SNRNP40: variants seen among roughly 807,000 people sequenced by gnomAD.
SNRNP40 encodes the protein U5 small nuclear ribonucleoprotein 40 kDa protein.
SNRNP40 carries 21 observed loss-of-function variants against 45.8 expected under a neutral mutation model. That is an observed-to-expected ratio of 0.46 (90% CI 0.32 to 0.66). The LOEUF is 0.66. SNRNP40 is among the 30% of genes least tolerant of loss of function. SNRNP40 has a pLI of 0.03. For synonymous variants in SNRNP40, 142 were observed against 163.8 expected (o/e 0.87, Z 1.01); for missense variants, 344 against 439.1 (o/e 0.78, Z 1.94).
intron 5 of SNRNP40, among the ~76,000 whole-genome samples, chr1:31,280,274 T>C (rs977669516): frequency 6.0e-5 from 9 of 151,120 alleles, no homozygotes; most frequent in African/African-American, 2.2e-4. Flanking sequence ...AGTAATCTCC[T>C]GCCTTAGCCT....
chr1:31,267,116 T>A (rs1645902297), intron 8 of SNRNP40, among the ~76,000 whole-genome samples: 1 of 152,088 alleles, frequency 6.6e-6, no homozygotes, highest in Admixed American at 6.6e-5. Flanking sequence ...GGAGTTTAGA[T>A]AATGAAGAGG....
chr1:31,289,679 T>C (rs1229035306), intron 3 of SNRNP40, among the ~76,000 whole-genome samples: 1 of 152,196 alleles, frequency 6.6e-6, no homozygotes, highest in Non-Finnish European at 1.5e-5. Context: ...ACATCTAATG[T>C]AGCAGTTTGC....
At chr1:31,282,616 T>TA (rs201672890) in intron 4 of SNRNP40, 32 of 147,386 alleles carry the variant, frequency 2.2e-4, no homozygotes, top group African/African-American at 6.4e-4. Flanking sequence ...TCTATCTATC[T>TA]TTCTATCATC....
At chr1:31,264,446 T>A (rs1645882469) in intron 8 of SNRNP40, among the ~76,000 whole-genome samples, 1 of 152,306 alleles carries the variant, frequency 6.6e-6, no homozygotes, top group African/African-American at 2.4e-5. Flanking sequence ...GGGGTTCAAG[T>A]CTCAGTGCAG....
intron 6 of SNRNP40, among the ~76,000 whole-genome samples, chr1:31,270,054 C>A (rs899822443): frequency 1.3e-5 from 2 of 152,124 alleles, no homozygotes; most frequent in Non-Finnish European, 2.9e-5. Context: ...AGGTGCCCAC[C>A]ACCACACCTG....
intron 3 of SNRNP40, among the ~76,000 whole-genome samples, chr1:31,290,231 C>T (rs1184249153): frequency 6.6e-6 from 1 of 152,082 alleles, no homozygotes; most frequent in East Asian, 1.9e-4. Context: ...GATGGAGTCT[C>T]ACTGTGTTGC....
At position 31,261,482 on chromosome 1, in the gene SNRNP40, C is replaced by T. The variant is rs190162729; in HGVS notation, c.1024+47G>A. ...TGACTCTCTATTCCCAGGATCCCTA[C>T]GGGGAGATTTCCAGTTTCCCTTTCC... On this transcript the variant is annotated intron_variant, in intron 9 of 9. Transcript: ENST00000263694. The T allele has an allele frequency of 3.6e-5, 45 of 1,267,410 alleles. No individual in the cohort carries two copies. In the Admixed American group the frequency reaches 3.8e-4, roughly 11 times the overall value. 78.5% of individuals were successfully genotyped at this position (1,267,410 alleles called of 1,614,324 possible).
chr1:31,261,877 G>C (rs971112718), intron 8 of SNRNP40: 1 of 326,294 alleles, frequency 3.1e-6, no homozygotes, highest in Non-Finnish European at 5.6e-6. Flanking sequence ...TTGAATACAA[G>C]CTTCTGAAAT....
At chr1:31,268,964 G>A (rs1269151679) in intron 7 of SNRNP40, among the ~76,000 whole-genome samples, 194 bp downstream of exon 7, 1 of 152,146 alleles carries the variant, frequency 6.6e-6, no homozygotes, top group Admixed American at 6.5e-5. Flanking sequence ...TTCCTTTTGG[G>A]CTATATGACT....
At chr1:31,276,534 G>A (rs1272232592) in intron 5 of SNRNP40, among the ~76,000 whole-genome samples, 1 of 151,908 alleles carries the variant, frequency 6.6e-6, no homozygotes, top group Non-Finnish European at 1.5e-5. Flanking sequence ...TCACAGCAAT[G>A]CATCAAAGGT....
At chr1:31,292,317 G>A (rs34353623) in intron 2 of SNRNP40, among the ~76,000 whole-genome samples, 20,869 of 152,154 alleles carry the variant, frequency 0.14, 1,586 homozygotes, top group African/African-American at 0.16. Flanking sequence ...AGCCGAGATC[G>A]CGCCACGGCA....
Position 31,295,164 on chromosome 1 carries a change from C to T in SNRNP40, c.141+1447G>A, listed in dbSNP as rs775414266. On this transcript the variant is annotated intron_variant, in intron 1 of 9. Coordinates refer to ENST00000263694, the MANE Select transcript of SNRNP40 (RefSeq NM_004814.3). ...CAGCATTTTGGGAGGCCAAGGTGTG[C>T]GGATTGCTTGAGCTCAGGAGTGAAA... Among the ~76,000 whole-genome samples the T allele has an allele frequency of 6.6e-5, 10 of 151,902 alleles. No individual in the cohort carries two copies. In the East Asian group the frequency reaches 7.8e-4, roughly 12 times the overall value.
rs140706714 is a variant in SNRNP40 at position 31,267,892 on chromosome 1, A to G, written c.899T>C (p.Ile300Thr). The change falls in exon 8 of 10, where the codon ATA becomes ACA. Residue 300 changes from isoleucine to threonine, a missense_variant. By Grantham distance (89) the Ile-to-Thr change is moderately conservative (BLOSUM62 -1). Transcript: ENST00000263694. ...TTACCTGTCGGCTGAGCCAGCTGCT[A>G]TTTTGCTTCCATCAGGTGACCAAGA... ...RCSWSPDGSKIAAGSADRFVY... is the reference protein window; with the variant it reads ...RCSWSPDGSKTAAGSADRFVY... 16 of 1,613,392 alleles carry G rather than the reference A, an allele frequency of 9.9e-6. No homozygotes were observed. The highest frequency in any genetic ancestry group is 1.4e-5 in the Non-Finnish European group (16 of 1,179,478).
chr1:31,266,701 C>T (rs1207256229), intron 8 of SNRNP40, among the ~76,000 whole-genome samples: 4 of 152,240 alleles, frequency 2.6e-5, no homozygotes, highest in Non-Finnish European at 4.4e-5. Flanking sequence ...GCAATCATTG[C>T]ACTTCCCACT....
intron 5 of SNRNP40, among the ~76,000 whole-genome samples, chr1:31,274,780 C>T (rs1389659335): frequency 1.3e-5 from 2 of 152,028 alleles, no homozygotes; most frequent in African/African-American, 4.8e-5. Flanking sequence ...TTTCCTCTGA[C>T]TCCCCAATCC....
rs773554848 is a variant in SNRNP40 at position 31,289,465 on chromosome 1, C to T, written c.366-46G>A. ...TAAAAAAGAAATAAGTGAAGATAAA[C>T]AGTAACAATCTATCTTTCCTACTTG... On this transcript the variant is annotated intron_variant, in intron 3 of 9. Transcript: ENST00000263694. 2.6e-6 allele frequency: 4 copies of T among 1,538,984 alleles called. No individual in the cohort carries two copies. In the South Asian group the frequency reaches 4.5e-5, roughly 17 times the overall value.
intron 4 of SNRNP40, among the ~76,000 whole-genome samples, chr1:31,283,709 G>A (rs1015712961): frequency 1.3e-4 from 20 of 152,120 alleles, no homozygotes; most frequent in African/African-American, 4.3e-4. Flanking sequence ...GAGTCACCAC[G>A]CTATAATATT....
intron 1 of SNRNP40, among the ~76,000 whole-genome samples, chr1:31,296,097 A>T (rs918796862): frequency 1.3e-5 from 2 of 152,238 alleles, no homozygotes; most frequent in Non-Finnish European, 2.9e-5. Flanking sequence ...GCTGCTACCA[A>T]GATCAATGGA....
At chr1:31,296,045 T>C (rs1340188741) in intron 1 of SNRNP40, among the ~76,000 whole-genome samples, 2 of 152,218 alleles carry the variant, frequency 1.3e-5, no homozygotes. Context: ...TTGGTAAGTC[T>C]GTTTTTCCAT....
Sources: gnomAD v4.1 joint callset for allele counts (sites outside exome capture counted in the v4.1 genomes callset) on GRCh38, gnomAD v4.1.1 for gene constraint, MANE v1.5 for transcripts, NCBI Gene and HGNC (gene_info 2026-07-23, HGNC 2026-07-21) for gene names.